Variants in KIF27 observed in about 807,000 individuals in gnomAD.
KIF27 encodes the protein kinesin family member 27.
In KIF27, 84 loss-of-function variants were observed where a neutral mutation model predicts 141.8. The observed-to-expected ratio is 0.59, with a 90% CI of 0.50 to 0.71. The LOEUF (loss-of-function observed/expected upper bound fraction) is 0.71, where lower values mean the gene tolerates loss of function less well. Ranked by LOEUF, KIF27 falls within the 30% of genes least tolerant of loss-of-function variation. KIF27 has a pLI of 0.00. For synonymous variants in KIF27, 471 were observed against 569.5 expected (o/e 0.83, Z 2.46); for missense variants, 1,306 against 1,628.4 (o/e 0.80, Z 3.41).
At chr9:83,861,181 TTATA>T in intron 13 of KIF27, among the ~76,000 whole-genome samples, 1 of 149,438 alleles carries the variant, frequency 6.7e-6, no homozygotes. Flanking sequence ...GGCTATTTCT[TTATA>T]TATATATATA....
intron 15 of KIF27, among the ~76,000 whole-genome samples, chr9:83,852,964 T>C (rs1948781425): frequency 6.6e-6 from 1 of 152,210 alleles, no homozygotes; most frequent in African/African-American, 2.4e-5. Context: ...GATATTCCCA[T>C]AAATTGAATG....
intron 13 of KIF27, among the ~76,000 whole-genome samples, chr9:83,864,695 T>C (rs1265782881): frequency 1.3e-5 from 2 of 152,228 alleles, no homozygotes. Flanking sequence ...TAGGTCTGCT[T>C]GGTGCAGAGC....
At chr9:83,861,339 C>A (rs2131896639) in intron 13 of KIF27, among the ~76,000 whole-genome samples, 1 of 152,012 alleles carries the variant, frequency 6.6e-6, no homozygotes. Flanking sequence ...CTTCCCCCAC[C>A]CCACAACAGG....
At chr9:83,882,069 A>G (rs1303266251) in intron 10 of KIF27, among the ~76,000 whole-genome samples, 1 of 152,170 alleles carries the variant, frequency 6.6e-6, no homozygotes, top group Non-Finnish European at 1.5e-5. Context: ...ATATTTTAAA[A>G]CAGCATGATA....
At position 83,891,433 on chromosome 9, in the gene KIF27, C is replaced by T. The variant is rs1255165051; in HGVS notation, c.1671G>A (p.Leu557=). 6.2e-7 allele frequency: 1 copy of T among 1,613,878 alleles called. No homozygotes were observed. Among genetic ancestry groups the T allele is most frequent in the South Asian group, 1.1e-5 (1 of 91,076 alleles). ...TTTCTTTAGCTGAAGAAGTCACTGACAGGTTAAGTTTTGTTAGTTCTTCAC... is the reference window on the plus strand; with the variant it reads ...TTTCTTTAGCTGAAGAAGTCACTGATAGGTTAAGTTTTGTTAGTTCTTCAC... ...QLSEELTKLN[L]SVTSSAKENC... is the part of the protein sequence containing the mutation. Residue 557 remains leucine (L), a synonymous_variant, in exon 6 of 18, where the codon CTG becomes CTA. Coordinates refer to ENST00000297814, the MANE Select transcript of KIF27 (RefSeq NM_017576.4).
Position 83,853,698 on chromosome 9 carries a change from A to G in KIF27, c.3288T>C (p.Asn1096=). Residue 1096 remains asparagine, a synonymous_variant, in exon 15 of 18, where the codon AAT becomes AAC. Transcript: ENST00000297814. The stretch of plus-strand genomic sequence containing the variant: ...TCAGGCAAGCTAGCTTTTCCAAGAC[A>G]TTTGCTTCACCACGAGAGAGGTTAT... ...SFHNLSRGEA[N]VLEKLACLSP... is the part of the protein sequence containing the mutation. The G allele has an allele frequency of 2.2e-5, 35 of 1,613,872 alleles. No individual in the cohort carries two copies. The highest frequency in any genetic ancestry group is 3.0e-5 in the Non-Finnish European group (35 of 1,179,810).
At chr9:83,921,051 C>A (rs1662705617) in intron 1 of KIF27, among the ~76,000 whole-genome samples, 1 of 152,174 alleles carries the variant, frequency 6.6e-6, no homozygotes. Context: ...TCCCGCGTTC[C>A]GGTCGATCGG....
intron 10 of KIF27, among the ~76,000 whole-genome samples, chr9:83,882,653 G>A (rs1332170872): frequency 6.6e-6 from 1 of 152,064 alleles, no homozygotes; most frequent in African/African-American, 2.4e-5. Flanking sequence ...TCTGTCCTCT[G>A]CTGTATCAGA....
In KIF27 at chr9:83,903,064, C is replaced by T; in HGVS notation, c.1454G>A (p.Cys485Tyr). The change falls in exon 4 of 18, where the codon TGC (cysteine) becomes TAC (tyrosine). Residue 485 changes from cysteine (C) to tyrosine (Y), a missense_variant. Physicochemically the swap from Cys to Tyr is radical, Grantham distance 194 (BLOSUM62 -2). Coordinates refer to ENST00000297814, the MANE Select transcript of KIF27 (RefSeq NM_017576.4). The stretch of plus-strand genomic sequence containing the variant: ...AAATAAGTGATGTCTAAGTACCTGG[C>T]ATTTCTTAAGCTCTCTCTTCAGCTG... ...VLQLKRELKK[C>Y]QCVLAADEVV... 1.3e-6 allele frequency: 2 copies of T among 1,591,832 alleles called. No individual in the cohort carries two copies. Among genetic ancestry groups the T allele is most frequent in the South Asian group, 2.3e-5 (2 of 88,774 alleles).
Position 83,915,449 on chromosome 9 carries a change from T to C in KIF27, c.143A>G (p.Asp48Gly). Residue 48 changes from aspartate (D) to glycine (G), a missense_variant, in exon 2 of 18, where the codon GAT (aspartate) becomes GGT (glycine). Around this residue, in one of 4 missense-constraint regions of KIF27, gnomAD observed 533 missense variants for 565.6 expected, o/e 0.94. Coordinates refer to ENST00000297814, the MANE Select transcript of KIF27 (RefSeq NM_017576.4). Reference protein sequence around the residue: ...IIGRDRVFTFDFVFGKNSTQD... With the variant: ...IIGRDRVFTFGFVFGKNSTQD... The stretch of plus-strand genomic sequence containing the variant: ...AGTGGAATTTTTGCCAAAAACAAAA[T>C]CAAAAGTGAAGACTCTATCTCTCCC... The C allele has an allele frequency of 6.2e-7, 1 of 1,613,836 alleles. No homozygotes were observed. The highest frequency in any genetic ancestry group is 8.5e-7 in the Non-Finnish European group (1 of 1,179,812).
intron 7 of KIF27, 35 bp downstream of exon 7, chr9:83,889,049 T>C: frequency 6.3e-7 from 1 of 1,578,726 alleles, no homozygotes; most frequent in African/African-American, 1.4e-5. Flanking sequence ...CATATAATTC[T>C]AAATATTTAT....
chr9:83,899,607 T>G, intron 5 of KIF27, 54 bp downstream of exon 5: 2 of 1,340,264 alleles, frequency 1.5e-6, no homozygotes, highest in Non-Finnish European at 2.1e-6. Flanking sequence ...CTACTGTGTT[T>G]AGTTAGGTAC....
chr9:83,910,015 G>A (rs1954975935), intron 2 of KIF27, among the ~76,000 whole-genome samples: 1 of 152,078 alleles, frequency 6.6e-6, no homozygotes, highest in Non-Finnish European at 1.5e-5. Context: ...AGTGAGCCAG[G>A]AGACAGAGCC....
chr9:83,908,259 C>CT (rs1243834393), intron 3 of KIF27, among the ~76,000 whole-genome samples, 193 bp downstream of exon 3: 234 of 112,372 alleles, frequency 2.1e-3, no homozygotes, highest in South Asian at 8.7e-3. Flanking sequence ...GAAACTCCAT[C>CT]TCAAAAAAAA....
intron 2 of KIF27, among the ~76,000 whole-genome samples, chr9:83,913,540 C>T (rs1461268509): frequency 1.3e-5 from 2 of 152,024 alleles, no homozygotes; most frequent in African/African-American, 2.4e-5. Context: ...CAGGTTCAAG[C>T]GATTCTCTGC....
intron 2 of KIF27, among the ~76,000 whole-genome samples, chr9:83,912,656 T>C (rs1205585786): frequency 6.6e-6 from 1 of 152,222 alleles, no homozygotes; most frequent in Non-Finnish European, 1.5e-5. Flanking sequence ...AATTTAAATA[T>C]AAAATTTGCA....
chr9:83,870,707 C>CTTTTTT (rs544179803), intron 11 of KIF27, 75 bp from the exon 12 acceptor site: 6 of 1,261,434 alleles, frequency 4.8e-6, no homozygotes, highest in African/African-American at 1.8e-5. Context: ...CAATTATTTT[C>CTTTTTT]TTTTTTTTTT....
intron 4 of KIF27, among the ~76,000 whole-genome samples, chr9:83,900,880 C>G (rs964744003): frequency 1.3e-5 from 2 of 150,166 alleles, no homozygotes; most frequent in Non-Finnish European, 3.0e-5. Flanking sequence ...CAGTTATTAC[C>G]TTTCAGAAAA....
intron 12 of KIF27, among the ~76,000 whole-genome samples, chr9:83,869,117 G>C (rs934768418): frequency 1.3e-5 from 2 of 152,130 alleles, no homozygotes; most frequent in African/African-American, 4.8e-5. Flanking sequence ...ATTACAACTG[G>C]TGATGACATT....
Sources: allele counts gnomAD v4.1 joint callset (sites outside exome capture counted in the v4.1 genomes callset), GRCh38; gene constraint gnomAD v4.1.1; regional missense constraint gnomAD v4.1.1; transcripts MANE v1.5; gene names NCBI Gene and HGNC (gene_info 2026-07-23, HGNC 2026-07-21).